Variants in DENND3 observed in about 807,000 individuals in gnomAD.
DENND3 encodes DENN domain-containing protein 3.
In DENND3, 88 loss-of-function variants were observed where a neutral mutation model predicts 135.1. The observed-to-expected ratio is 0.65, with a 90% confidence interval of 0.55 to 0.78. DENND3 has a LOEUF of 0.78. Among genes scored for constraint, DENND3 ranks in the 30% least tolerant of loss-of-function variants. The pLI, the probability that DENND3 is intolerant of heterozygous loss-of-function variation, is 0.00. For synonymous variants in DENND3, 693 were observed against 712.3 expected (o/e 0.97, Z 0.43); for missense variants, 1,392 against 1,688.4 (o/e 0.82, Z 3.08).
At chr8:141,161,653 C>G (rs1820140065) in intron 9 of DENND3, among the ~76,000 whole-genome samples, 1 of 152,210 alleles carries the variant, frequency 6.6e-6, no homozygotes, top group African/African-American at 2.4e-5. Context: ...GCTGGTTGCT[C>G]CCTGAGTCCA....
At chr8:141,164,573 A>G (rs1820533478) in intron 10 of DENND3, among the ~76,000 whole-genome samples, 1 of 152,014 alleles carries the variant, frequency 6.6e-6, no homozygotes, top group Non-Finnish European at 1.5e-5. Flanking sequence ...CTGCCCTGTG[A>G]GCTTGGAGAG....
Position 141,192,336 on chromosome 8 carries a change from G to A in DENND3, c.3385G>A (p.Gly1129Ser), listed in dbSNP as rs756802548. 1 of 1,613,972 alleles carries A rather than the reference G, an allele frequency of 6.2e-7. No individual in the cohort carries two copies. The highest frequency in any genetic ancestry group is 1.3e-5 in the African/African-American group (1 of 74,934). Residue 1129 changes from glycine to serine, a missense_variant, in exon 21 of 23, where the codon GGT (glycine) becomes AGT (serine). Physicochemically the swap from Gly to Ser is moderately conservative, Grantham distance 56. Coordinates refer to ENST00000519811, the MANE Select transcript of DENND3 (RefSeq NM_001352890.3). ...CTAGCTCCTTCCTTCCACAGGCACA[G>A]GTAACAGCATCATGGTCATGAAAAT... ...LHGGRLWCCT[G>S]NSIMVMKMNG...
At chr8:141,189,998 T>C (rs1824484989) in intron 19 of DENND3, among the ~76,000 whole-genome samples, 2 of 152,106 alleles carry the variant, frequency 1.3e-5, no homozygotes, top group Admixed American at 1.3e-4. Flanking sequence ...CGGCCCGCGG[T>C]GGTGGGAGAG....
At position 141,151,666 on chromosome 8, in the gene DENND3, G is replaced by A. The variant is rs773977058; in HGVS notation, c.903G>A (p.Ser301=). 7.4e-6 allele frequency: 12 copies of A among 1,613,908 alleles called. No individual in the cohort carries two copies. The highest frequency in any genetic ancestry group is 1.0e-5 in the Non-Finnish European group (12 of 1,180,006). ...AACAGCGGATCGTCTTCTTCTCCTC[G>A]GACTGGGCTCTGCTGACGCTGGTCA... ...LTEQRIVFFS[S]DWALLTLVTE... is the part of the protein sequence containing the mutation. Residue 301 remains serine, a synonymous_variant, in exon 7 of 23, where the codon TCG becomes TCA. Coordinates refer to ENST00000519811, the MANE Select transcript of DENND3 (RefSeq NM_001352890.3).
At position 141,176,756 on chromosome 8, in the gene DENND3, C is replaced by T. The variant is rs1480168116; in HGVS notation, c.2701C>T (p.His901Tyr). The change falls in exon 15 of 23, where the codon CAC (histidine) becomes TAC (tyrosine). Residue 901 changes from histidine (H) to tyrosine (Y), a missense_variant. By Grantham distance (83) the His-to-Tyr change is moderately conservative. Coordinates refer to ENST00000519811, the MANE Select transcript of DENND3 (RefSeq NM_001352890.3). ...GGCTGGGAAGAAGCTGGCCGATGAC[C>T]ACAAGGTGGGAGACGCGGGTCCCCT... The part of the protein sequence containing the change: ...MWAGKKLADD[H>Y]KDPHYVQQAL... The T allele has an allele frequency of 3.7e-6, 6 of 1,612,894 alleles. No homozygotes were observed. Among genetic ancestry groups the T allele is most frequent in the Non-Finnish European group, 5.1e-6 (6 of 1,179,184 alleles).
At chr8:141,177,004 G>C (rs1447644026) in intron 15 of DENND3, 2 of 502,138 alleles carry the variant, frequency 4.0e-6, no homozygotes, top group Non-Finnish European at 7.1e-6. Flanking sequence ...GGTCTGGGCA[G>C]GTGTGGGTGC....
chr8:141,129,694 AGAC>A (rs1815717434), intron 1 of DENND3: 1 of 152,230 alleles, frequency 6.6e-6, no homozygotes. Flanking sequence ...ATCTCTTTGC[AGAC>A]AACAGCATAG....
rs940286255 is a variant in DENND3, at chr8:141,174,310, A to T, written c.2276-890A>T. Reference sequence around the variant, plus strand: ...TGAGTGCCACGCAAAGCAGGCTGTGAGTGCGGGTGGCTCTGAAGGCAGGAG... The same window carrying T: ...TGAGTGCCACGCAAAGCAGGCTGTGTGTGCGGGTGGCTCTGAAGGCAGGAG... On this transcript the variant is annotated intron_variant, in intron 13 of 22. Transcript: ENST00000519811. This position sits in a 1 kb window ranked among gnomAD's most constrained non-coding sequence, Gnocchi z 4.6. Among the ~76,000 whole-genome samples the T allele has an allele frequency of 1.6e-4, 25 of 152,096 alleles. No individual in the cohort carries two copies. Among genetic ancestry groups the T allele is most frequent in the Non-Finnish European group, 1.5e-4 (10 of 68,020 alleles).
chr8:141,172,643 C>T (rs938168302), intron 13 of DENND3, among the ~76,000 whole-genome samples: 1 of 152,196 alleles, frequency 6.6e-6, no homozygotes, highest in African/African-American at 2.4e-5. Flanking sequence ...ATGGCTTCGC[C>T]GATTCACTCT....
chr8:141,189,790 G>C (rs1824444655), intron 19 of DENND3, among the ~76,000 whole-genome samples: 1 of 152,214 alleles, frequency 6.6e-6, no homozygotes, highest in East Asian at 1.9e-4. Context: ...GGCTCAGGAG[G>C]TTCAGGGGTG....
chr8:141,178,201 G>A lies in DENND3; in HGVS notation c.2836+5G>A, dbSNP rs1822639814. The stretch of plus-strand genomic sequence containing the variant: ...TTGATAAGATGAGTAACGAAAGTAA[G>A]ATAAGCCCGTTCTTAGCGTGGATCA... On this transcript the variant is annotated splice_donor_5th_base_variant and intron_variant, in intron 16 of 22. Coordinates refer to ENST00000519811, the MANE Select transcript of DENND3 (RefSeq NM_001352890.3). The A allele has an allele frequency of 6.2e-7, 1 of 1,607,912 alleles. No individual in the cohort carries two copies. The highest frequency in any genetic ancestry group is 8.5e-7 in the Non-Finnish European group (1 of 1,174,644).
chr8:141,185,261 G>T lies in DENND3; in HGVS notation c.3067G>T (p.Val1023Leu). The part of the protein sequence containing the change: ...SWTIHQHSFK[V>L]GTAKVNCMVM... The stretch of plus-strand genomic sequence containing the variant: ...GACCATCCACCAGCACTCCTTTAAA[G>T]TGGGCACTGCAAAAGTGGTGAGTAC... The change falls in exon 18 of 23, where the codon GTG becomes TTG. Residue 1023 changes from valine (V) to leucine (L), a missense_variant. Transcript: ENST00000519811. 6.2e-7 allele frequency: 1 copy of T among 1,614,206 alleles called. No homozygotes were observed. The highest frequency in any genetic ancestry group is 8.5e-7 in the Non-Finnish European group (1 of 1,180,040).
rs1177899881 is a variant in DENND3, at chr8:141,146,202, G to A, written c.735+1943G>A. Among the ~76,000 whole-genome samples, 1 of 152,138 alleles carries A rather than the reference G, an allele frequency of 6.6e-6. No homozygotes were observed. Among genetic ancestry groups the A allele is most frequent in the Non-Finnish European group, 1.5e-5 (1 of 68,022 alleles). The stretch of plus-strand genomic sequence containing the variant: ...TCTTGTACAGTGTGATTAATGAGAA[G>A]TAACTGGTTTTATATTTTTTGTTAC... On this transcript the variant is annotated intron_variant, in intron 5 of 22. Transcript: ENST00000519811. This position sits in a 1 kb window ranked among gnomAD's most constrained non-coding sequence, Gnocchi z 4.3.
intron 16 of DENND3, among the ~76,000 whole-genome samples, 169 bp downstream of exon 16, chr8:141,178,365 C>G (rs976735799): frequency 1.3e-5 from 2 of 152,246 alleles, no homozygotes; most frequent in Non-Finnish European, 2.9e-5. Flanking sequence ...GGCATCTTTC[C>G]TTCCTTCACT....
At chr8:141,163,933 A>G (rs2154613119) in intron 10 of DENND3, among the ~76,000 whole-genome samples, 1 of 151,640 alleles carries the variant, frequency 6.6e-6, no homozygotes, top group Non-Finnish European at 1.5e-5. Context: ...AAAAAAGTAT[A>G]ATTTACTTAA....
chr8:141,157,062 A>G (rs891659241), intron 8 of DENND3, among the ~76,000 whole-genome samples: 2 of 152,188 alleles, frequency 1.3e-5, no homozygotes, highest in African/African-American at 4.8e-5. Flanking sequence ...GATTACAGGC[A>G]TGAACCACTG....
In DENND3 at chr8:141,167,301, G is replaced by A. The variant is rs1421827779; in HGVS notation, c.1754-703G>A. ...ACATCTGTCAGTCTGCCGCTGGCAG[G>A]TGCCCTGTGCCCACTCACCCTGGGA... On this transcript the variant is annotated intron_variant, in intron 12 of 22. Transcript: ENST00000519811. This position sits in a 1 kb window ranked among gnomAD's most constrained non-coding sequence, Gnocchi z 4.1. 1.3e-5 allele frequency among the ~76,000 whole-genome samples: 2 copies of A among 152,122 alleles called. No homozygotes were observed. Among genetic ancestry groups the A allele is most frequent in the Non-Finnish European group, 2.9e-5 (2 of 68,020 alleles).
At position 141,180,712 on chromosome 8, in the gene DENND3, T is replaced by C. The variant is rs771519283; in HGVS notation, c.2837-35T>C. Reference sequence around the variant, plus strand: ...TGCATCGCGTCTGTTTCCTTGAGGCTGCAACAGTAACACTCCAAGTGTCTT... The same window carrying C: ...TGCATCGCGTCTGTTTCCTTGAGGCCGCAACAGTAACACTCCAAGTGTCTT... On this transcript the variant is annotated intron_variant, in intron 16 of 22. Coordinates refer to ENST00000519811, the MANE Select transcript of DENND3 (RefSeq NM_001352890.3). 3.1e-6 allele frequency: 5 copies of C among 1,588,928 alleles called. No homozygotes were observed. The African/African-American group carries it at 6.7e-5, about 21-fold the overall frequency.
chr8:141,158,034 A>G, intron 8 of DENND3: 1 of 1,182,090 alleles, frequency 8.5e-7, no homozygotes, highest in Non-Finnish European at 1.1e-6. Flanking sequence ...TGCTCAGATT[A>G]CAGGCGTGAG....
Sources: allele counts gnomAD v4.1 joint callset (sites outside exome capture counted in the v4.1 genomes callset), GRCh38; gene constraint gnomAD v4.1.1; non-coding constraint Gnocchi (gnomAD v3.1); transcripts MANE v1.5; gene names NCBI Gene and HGNC (gene_info 2026-07-23, HGNC 2026-07-21).